The following ZSWIM8 variants were observed in gnomAD, a reference collection of about 807,000 sequenced individuals.
ZSWIM8 encodes zinc finger SWIM domain-containing protein 8.
A neutral mutation model predicts 173.7 loss-of-function variants in ZSWIM8; 27 were observed. The observed-to-expected ratio is 0.16, with a 90% CI of 0.11 to 0.21. ZSWIM8 has a LOEUF of 0.21. ZSWIM8 is among the 10% of genes least tolerant of loss of function. ZSWIM8 has a pLI of 1.00. For synonymous variants in ZSWIM8, 958 were observed against 962.0 expected, an observed-to-expected ratio of 1.00 and a Z score of 0.08; for missense variants, 1,627 against 2,428.8, an observed-to-expected ratio of 0.67 and a Z score of 6.94.
intron 7 of ZSWIM8, among the ~76,000 whole-genome samples, chr10:73,790,539 A>G (rs1488774265): frequency 3.3e-5 from 5 of 152,192 alleles, no homozygotes; most frequent in Admixed American, 2.6e-4. Context: ...AAATGGAAAC[A>G]GAGAAAGATT....
At chr10:73,786,183 C>T (rs2083210824) in intron 1 of ZSWIM8, 97 bp downstream of exon 1, 1 of 1,303,126 alleles carries the variant, frequency 7.7e-7, no homozygotes, top group Admixed American at 3.2e-5. Context: ...CAAGAGCTCT[C>T]TTCAACCAGG....
intron 20 of ZSWIM8, 62 bp from the exon 21 acceptor site, chr10:73,798,940 T>C: frequency 6.5e-7 from 1 of 1,546,158 alleles, no homozygotes; most frequent in Middle Eastern, 1.8e-4. Flanking sequence ...TGGAATCTCA[T>C]CTAACACCTT....
rs199716812 is a variant in ZSWIM8 at position 73,792,432 on chromosome 10, C to T, written c.1893C>T (p.Gly631=). ...TGGATGACAGCAGCCTGGCCCTGGGCGCAGAGGCCAGCACCTTCGGGGGAT... is the reference window on the plus strand; with the variant it reads ...TGGATGACAGCAGCCTGGCCCTGGGTGCAGAGGCCAGCACCTTCGGGGGAT... ...MSLDDSSLAL[G]AEASTFGGFP... The change falls in exon 10 of 26, where the codon GGC becomes GGT. Residue 631 remains glycine, a synonymous_variant. Transcript: ENST00000604729. This position sits in a 1 kb window ranked among gnomAD's most constrained non-coding sequence, Gnocchi z 4.3. 4.6e-5 allele frequency: 74 copies of T among 1,604,468 alleles called. No individual in the cohort carries two copies. The African/African-American group carries it at 6.4e-4, about 14-fold the overall frequency.
rs1487233919 is a variant in ZSWIM8 at position 73,791,993 on chromosome 10, A to C, written c.1454A>C (p.Asn485Thr). 1.3e-6 allele frequency: 2 copies of C among 1,551,152 alleles called. No individual in the cohort carries two copies. Among genetic ancestry groups the C allele is most frequent in the South Asian group, 1.2e-5 (1 of 84,064 alleles). Reference sequence around the variant, plus strand: ...CCAGCGGTGGAGGCCTGCTACTTCAACTGGGAAGAGGCCTACCCACTTCCT... The same window carrying C: ...CCAGCGGTGGAGGCCTGCTACTTCACCTGGGAAGAGGCCTACCCACTTCCT... ...FRPAVEACYF[N>T]WEEAYPLPGV... The change falls in exon 10 of 26, where the codon AAC (asparagine) becomes ACC (threonine). Residue 485 changes from asparagine to threonine, a missense_variant. Asn to Thr is a moderately conservative substitution (Grantham distance 65, BLOSUM62 0). Transcript: ENST00000604729. This position sits in a 1 kb window ranked among gnomAD's most constrained non-coding sequence, Gnocchi z 6.0.
At position 73,799,575 on chromosome 10, in the gene ZSWIM8, AATTGGTCAGT is replaced by A. The variant is rs1230494375; in HGVS notation, c.4665+86_4665+95del. The A allele has an allele frequency of 1.9e-6, 3 of 1,538,978 alleles. No homozygotes were observed. In the African/African-American group the frequency reaches 4.1e-5, roughly 21 times the overall value. On this transcript the variant is annotated intron_variant, in intron 21 of 25. Coordinates refer to ENST00000604729, the MANE Select transcript of ZSWIM8 (RefSeq NM_001367799.1). ...GTTGGAGTGGGTACTCTGGGAGTAT[AATTGGTCAGT>A]CGGAGAGTCCTGGTGAGGTGGTGGG...
intron 2 of ZSWIM8, 113 bp downstream of exon 2, chr10:73,788,936 C>A: frequency 1.3e-6 from 2 of 1,488,070 alleles, no homozygotes; most frequent in Non-Finnish European, 9.1e-7. Context: ...AAGAGGAAGA[C>A]AAGGGAGGGA....
In ZSWIM8 at chr10:73,792,121, C is replaced by T. The variant is rs548696146; in HGVS notation, c.1582C>T (p.Arg528Trp). ...ASRSGGLEES[R>W]DRPRPLPTEP... ...CCGCTCTGGGGGCCTGGAGGAATCC[C>T]GGGACCGGCCCCGACCCCTTCCTAC... Residue 528 changes from arginine to tryptophan, a missense_variant, in exon 10 of 26, where the codon CGG (arginine) becomes TGG (tryptophan). Transcript: ENST00000604729. This position sits in a 1 kb window ranked among gnomAD's most constrained non-coding sequence, Gnocchi z 4.3. 14 of 1,531,392 alleles carry T rather than the reference C, an allele frequency of 9.1e-6. No individual in the cohort carries two copies. Among genetic ancestry groups the T allele is most frequent in the Admixed American group, 8.3e-5 (4 of 48,386 alleles). 94.9% of individuals were successfully genotyped at this position (1,531,392 alleles called of 1,614,324 possible).
In ZSWIM8 at chr10:73,789,506, C is replaced by T. The variant is rs757300004; in HGVS notation, c.597C>T (p.His199=). The T allele has an allele frequency of 8.7e-6, 14 of 1,613,194 alleles. No individual in the cohort carries two copies. The highest frequency in any genetic ancestry group is 4.4e-5 in the South Asian group (4 of 90,860). ...GGGCTGGGGCCAAATGGTGCACCCA[C>T]GTCGTGGCACTCTGTCTCTTCCGCA... ...TCGAGAKWCT[H]VVALCLFRIH... Residue 199 remains histidine, a synonymous_variant, in exon 4 of 26, where the codon CAC becomes CAT. Coordinates refer to ENST00000604729, the MANE Select transcript of ZSWIM8 (RefSeq NM_001367799.1). The surrounding 1 kb of genome is among the most constrained non-coding windows in gnomAD (Gnocchi z 6.8).
In ZSWIM8 at chr10:73,785,998, C is replaced by G; in HGVS notation, c.120C>G (p.Asn40Lys). ...CCGAGGCCGAGAGCCTCTGCCAGAA[C>G]TGGCGGGGATGGCGCAAACAGTCAG... Reference protein sequence around the residue: ...FISEAESLCQNWRGWRKQSAG... With the variant: ...FISEAESLCQKWRGWRKQSAG... Residue 40 changes from asparagine (N) to lysine (K), a missense_variant, in exon 1 of 26, where the codon AAC becomes AAG. Coordinates refer to ENST00000604729, the MANE Select transcript of ZSWIM8 (RefSeq NM_001367799.1). The G allele has an allele frequency of 6.3e-7, 1 of 1,599,922 alleles. No individual in the cohort carries two copies. Among genetic ancestry groups the G allele is most frequent in the Non-Finnish European group, 8.5e-7 (1 of 1,172,804 alleles).
Position 73,799,136 on chromosome 10 carries a change from C to T in ZSWIM8, c.4311C>T (p.Ser1437=). The change falls in exon 21 of 26, where the codon TCC becomes TCT. Residue 1437 remains serine (S), a synonymous_variant. Coordinates refer to ENST00000604729, the MANE Select transcript of ZSWIM8 (RefSeq NM_001367799.1). ...WLYEQTAGGS[S]TAREGATSCS... ...ATGAGCAAACTGCAGGTGGCTCATCCACAGCCCGTGAAGGGGCTACAAGCT... is the reference window on the plus strand; with the variant it reads ...ATGAGCAAACTGCAGGTGGCTCATCTACAGCCCGTGAAGGGGCTACAAGCT... 2 of 1,613,308 alleles carry T rather than the reference C, an allele frequency of 1.2e-6. No individual in the cohort carries two copies. Among genetic ancestry groups the T allele is most frequent in the Non-Finnish European group, 1.7e-6 (2 of 1,179,594 alleles).
chr10:73,796,757 C>G lies in ZSWIM8; in HGVS notation c.3034-17C>G. 1.2e-6 allele frequency: 2 copies of G among 1,610,758 alleles called. No individual in the cohort carries two copies. The highest frequency in any genetic ancestry group is 2.2e-5 in the South Asian group (2 of 91,074). Reference sequence around the variant, plus strand: ...CCTGTCACTGCTTCTCTGGAGGTCACTGCTTCTGTCTTCCAGATCTTAGAC... The same window carrying G: ...CCTGTCACTGCTTCTCTGGAGGTCAGTGCTTCTGTCTTCCAGATCTTAGAC... On this transcript the variant is annotated splice_polypyrimidine_tract_variant and intron_variant, in intron 15 of 25. Transcript: ENST00000604729.
chr10:73,801,723 G>A lies in ZSWIM8; in HGVS notation c.*204G>A, dbSNP rs1480770384. The A allele has an allele frequency of 1.3e-6, 2 of 1,530,958 alleles. No individual in the cohort carries two copies. Among genetic ancestry groups the A allele is most frequent in the Non-Finnish European group, 1.7e-6 (2 of 1,144,520 alleles). The allele number at this position is 1,530,958 out of a possible 1,614,324, so 94.8% of individuals were successfully genotyped here. A position where few individuals can be genotyped will look rare whatever the true frequency, so the allele number is the denominator to read the frequency against. On this transcript the variant is annotated 3_prime_UTR_variant, in exon 26 of 26. Transcript: ENST00000604729. This position sits in a 1 kb window ranked among gnomAD's most constrained non-coding sequence, Gnocchi z 4.9. The stretch of plus-strand genomic sequence containing the variant: ...AGGGCTGGGGGAGACAGCCCTGTCT[G>A]GGAGGGGGCGTTGGGTGGCCTCTGG...
intron 1 of ZSWIM8, chr10:73,786,327 GGT>G (rs575266137): frequency 0.01 from 4,139 of 403,918 alleles, no homozygotes; most frequent in Middle Eastern, 0.016. Flanking sequence ...TGTGTGTGTG[GGT>G]GTGTGTGTGT....
At position 73,792,416 on chromosome 10, in the gene ZSWIM8, G is replaced by A. The variant is rs779163326; in HGVS notation, c.1877G>A (p.Ser626Asn). Reference protein sequence around the residue: ...PDLAEMSLDDSSLALGAEAST... With the variant: ...PDLAEMSLDDNSLALGAEAST... ...CTGGCCGAGATGAGCCTGGATGACAGCAGCCTGGCCCTGGGCGCAGAGGCC... is the reference window on the plus strand; with the variant it reads ...CTGGCCGAGATGAGCCTGGATGACAACAGCCTGGCCCTGGGCGCAGAGGCC... Residue 626 changes from serine (S) to asparagine (N), a missense_variant, in exon 10 of 26, where the codon AGC (serine) becomes AAC (asparagine). Physicochemically the swap from Ser to Asn is conservative, Grantham distance 46. Around this residue, in one of 18 missense-constraint regions of ZSWIM8, gnomAD observed 383 missense variants for 394.8 expected, o/e 0.97. Coordinates refer to ENST00000604729, the MANE Select transcript of ZSWIM8 (RefSeq NM_001367799.1). This position sits in a 1 kb window ranked among gnomAD's most constrained non-coding sequence, Gnocchi z 4.3. 3 of 1,604,198 alleles carry A rather than the reference G, an allele frequency of 1.9e-6. No homozygotes were observed. The highest frequency in any genetic ancestry group is 2.6e-6 in the Non-Finnish European group (3 of 1,175,264).
At chr10:73,786,632 A>G (rs2083237339) in intron 1 of ZSWIM8, 1 of 152,522 alleles carries the variant, frequency 6.6e-6, no homozygotes, top group African/African-American at 2.4e-5. Context: ...AGCACCAAGA[A>G]GGGATCCTAC....
At position 73,794,564 on chromosome 10, in the gene ZSWIM8, C is replaced by A. The variant is rs748681389; in HGVS notation, c.2833C>A (p.Pro945Thr). The A allele has an allele frequency of 3.8e-6, 6 of 1,561,180 alleles. No homozygotes were observed. The South Asian group carries it at 5.9e-5, about 15-fold the overall frequency. The change falls in exon 14 of 26, where the codon CCC becomes ACC. Residue 945 changes from proline to threonine, a missense_variant. By Grantham distance (38) the Pro-to-Thr change is conservative. This residue lies in a region of ZSWIM8 where 169 missense variants were observed against 235.3 expected (regional missense o/e 0.72). Transcript: ENST00000604729. ...APVVSPTGSR[P>T]PSRNWNSETP... Reference sequence around the variant, plus strand: ...AGTGGTTTCTCCCACAGGTTCCCGGCCCCCAAGTCGCAACTGGAACAGCGA... The same window carrying A: ...AGTGGTTTCTCCCACAGGTTCCCGGACCCCAAGTCGCAACTGGAACAGCGA...
chr10:73,799,847 A>G, intron 21 of ZSWIM8, 164 bp from the exon 22 acceptor site: 3 of 697,444 alleles, frequency 4.3e-6, no homozygotes, highest in Non-Finnish European at 7.1e-6. Flanking sequence ...TGGGAGGCAG[A>G]GGTTGCAGTG....
At position 73,792,977 on chromosome 10, in the gene ZSWIM8, C is replaced by A; in HGVS notation, c.2313+125C>A. On this transcript the variant is annotated intron_variant, in intron 10 of 25. Coordinates refer to ENST00000604729, the MANE Select transcript of ZSWIM8 (RefSeq NM_001367799.1). This position sits in a 1 kb window ranked among gnomAD's most constrained non-coding sequence, Gnocchi z 4.3. ...TGAGAACCCTGTTGCAGGCGCCGAA[C>A]TGGTCTCCCTGCTTTCAGTCTACTC... The A allele has an allele frequency of 8.7e-7, 1 of 1,153,102 alleles. No individual in the cohort carries two copies. The highest frequency in any genetic ancestry group is 1.2e-6 in the Non-Finnish European group (1 of 830,970). 71.4% of individuals were successfully genotyped at this position (1,153,102 alleles called of 1,614,324 possible).
chr10:73,795,789 C>A, intron 15 of ZSWIM8, 126 bp downstream of exon 15: 1 of 1,100,120 alleles, frequency 9.1e-7, no homozygotes, highest in Non-Finnish European at 1.3e-6. Flanking sequence ...GAAACCCCGT[C>A]TCTACCAAAA....
Sources: allele counts gnomAD v4.1 joint callset (sites outside exome capture counted in the v4.1 genomes callset), GRCh38; gene constraint gnomAD v4.1.1; regional missense constraint gnomAD v4.1.1; non-coding constraint Gnocchi (gnomAD v3.1); transcripts MANE v1.5; gene names NCBI Gene and HGNC (gene_info 2026-07-23, HGNC 2026-07-21).